Variants in TTC23L observed in about 807,000 individuals in gnomAD.
The protein encoded by TTC23L is tetratricopeptide repeat protein 23-like.
A neutral mutation model predicts 48.1 loss-of-function variants in TTC23L; 42 were observed. The ratio of observed to expected loss-of-function variants is 0.87; its 90% confidence interval spans 0.68 to 1.13. TTC23L has a LOEUF of 1.13. Ranked by LOEUF, TTC23L falls within the 50% of genes most tolerant of loss-of-function variation. The pLI is 0.00. For missense variants in TTC23L, 391 were observed against 421.0 expected (o/e 0.93, Z 0.62); for synonymous variants, 159 against 157.2 (o/e 1.01, Z -0.09).
At chr5:34,841,620 A>G (rs1468781683) in intron 2 of TTC23L, among the ~76,000 whole-genome samples, 1 of 152,104 alleles carries the variant, frequency 6.6e-6, no homozygotes, top group East Asian at 1.9e-4. Flanking sequence ...TAGGCTCAAG[A>G]GATCCTCCCA....
chr5:34,915,450 C>G, the TTC23L span: 1 of 348,682 alleles, frequency 2.9e-6, no homozygotes, highest in Non-Finnish European at 5.3e-6. Context: ...GAGAGCCCTT[C>G]TCAGCAAAGT....
At chr5:34,908,501 C>A in the TTC23L span, 2 of 278,822 alleles carry the variant, frequency 7.2e-6, no homozygotes, top group South Asian at 1.1e-4. Flanking sequence ...CGCTGACTCA[C>A]AATTATTCCC....
intron 9 of TTC23L, among the ~76,000 whole-genome samples, chr5:34,894,693 C>T (rs1027374586): frequency 3.3e-5 from 5 of 152,156 alleles, no homozygotes; most frequent in African/African-American, 1.2e-4. Flanking sequence ...ATAATCCCAG[C>T]TCTGTCTTTA....
At chr5:34,895,483 T>G (rs1763158508) in intron 9 of TTC23L, among the ~76,000 whole-genome samples, 1 of 152,248 alleles carries the variant, frequency 6.6e-6, no homozygotes, top group African/African-American at 2.4e-5. Flanking sequence ...TCTTTCTATC[T>G]GTCAGATGTC....
At chr5:34,918,232 T>G in the TTC23L span, 2 of 521,520 alleles carry the variant, frequency 3.8e-6, no homozygotes, top group East Asian at 6.5e-5. Context: ...GATCACTTAC[T>G]TGAGCCCAGG....
At chr5:34,925,605 A>G in the TTC23L span, 4 of 895,690 alleles carry the variant, frequency 4.5e-6, no homozygotes, top group East Asian at 1.1e-4. Flanking sequence ...TGTAGCATTT[A>G]CAAGAAAGAA....
chr5:34,891,858 G>A (rs1256026604), intron 9 of TTC23L, among the ~76,000 whole-genome samples: 1 of 152,160 alleles, frequency 6.6e-6, no homozygotes, highest in Non-Finnish European at 1.5e-5. Flanking sequence ...GGAAAAATTA[G>A]GAGATCTAAT....
intron 8 of TTC23L, among the ~76,000 whole-genome samples, chr5:34,873,451 C>G (rs1465218173): frequency 6.6e-6 from 1 of 152,116 alleles, no homozygotes; most frequent in Non-Finnish European, 1.5e-5. Context: ...ATCCAGTGCC[C>G]CAGGTCGGTC....
Position 34,862,975 on chromosome 5 carries a change from A to G in TTC23L, c.457A>G (p.Asn153Asp), listed in dbSNP as rs35769440. The G allele has an allele frequency of 2.9e-3, 4,669 of 1,613,856 alleles. 121 individuals are homozygous for G. The African/African-American group carries it at 0.056, about 19-fold the overall frequency. ...GACCTGGAAGGCAAATACGACCTCA[A>G]ATAAGGAGAAAGAGGAAATCCTGGA... Residue 153 changes from asparagine to aspartate, a missense_variant, in exon 5 of 11, where the codon AAT becomes GAT. By Grantham distance (23) the Asn-to-Asp change is conservative. Coordinates refer to ENST00000505624, the Ensembl canonical transcript of TTC23L.
At chr5:34,919,869 T>G in the TTC23L span, 1 of 1,195,964 alleles carries the variant, frequency 8.4e-7, no homozygotes, top group Admixed American at 2.1e-5. Flanking sequence ...GGATAAGCTA[T>G]TTGTGATTAA....
the TTC23L span, among the ~76,000 whole-genome samples, chr5:34,904,970 A>G: frequency 6.6e-6 from 1 of 152,216 alleles, no homozygotes; most frequent in Non-Finnish European, 1.5e-5. Context: ...ATAATGATCA[A>G]CAAGCTATGA....
the TTC23L span, chr5:34,918,262 C>T: frequency 3.4e-6 from 2 of 586,542 alleles, no homozygotes; most frequent in Non-Finnish European, 6.0e-6. Context: ...CTGCAGTGAG[C>T]CGTGAGCACT....
chr5:34,917,171 A>G, the TTC23L span, among the ~76,000 whole-genome samples: 2 of 152,246 alleles, frequency 1.3e-5, no homozygotes, highest in Non-Finnish European at 2.9e-5. Context: ...ACTTTGAAGT[A>G]GGGAAATGCT....
At chr5:34,871,108 A>G (rs1161892143) in intron 8 of TTC23L, among the ~76,000 whole-genome samples, 1 of 152,202 alleles carries the variant, frequency 6.6e-6, no homozygotes, top group East Asian at 1.9e-4. Flanking sequence ...CAAATGCAAG[A>G]AGGCAAGAAA....
At chr5:34,842,829 G>A (rs1221013259) in intron 2 of TTC23L, among the ~76,000 whole-genome samples, 1 of 152,152 alleles carries the variant, frequency 6.6e-6, no homozygotes, top group East Asian at 1.9e-4. Flanking sequence ...CACATCCCAT[G>A]GGCCTTCGGC....
the TTC23L span, chr5:34,922,217 G>T: frequency 6.4e-7 from 1 of 1,558,144 alleles, no homozygotes. Flanking sequence ...CTTCCTTTAG[G>T]TTTGTGAAAT....
intron 4 of TTC23L, among the ~76,000 whole-genome samples, chr5:34,855,633 A>G (rs541701203): frequency 2.6e-5 from 4 of 152,360 alleles, no homozygotes; most frequent in African/African-American, 9.6e-5. Flanking sequence ...GGAAACAAGC[A>G]AGTATCCATC....
At chr5:34,865,904 A>G (rs984192744) in intron 6 of TTC23L, among the ~76,000 whole-genome samples, 1 of 152,212 alleles carries the variant, frequency 6.6e-6, no homozygotes, top group African/African-American at 2.4e-5. Context: ...AGGAGGAAGG[A>G]ATATTGATTG....
the TTC23L span, among the ~76,000 whole-genome samples, chr5:34,909,767 C>T: frequency 6.6e-6 from 1 of 152,198 alleles, no homozygotes; most frequent in East Asian, 1.9e-4. Flanking sequence ...GTATCTTAGA[C>T]TGCTCTTAAG....
Sources: allele counts gnomAD v4.1 joint callset (sites outside exome capture counted in the v4.1 genomes callset), GRCh38; gene constraint gnomAD v4.1.1; transcripts MANE v1.5; gene names NCBI Gene and HGNC (gene_info 2026-07-23, HGNC 2026-07-21).